Variants in MAP3K4 observed in about 807,000 individuals in gnomAD.
MAP3K4 encodes mitogen-activated protein kinase kinase kinase 4.
Under a neutral mutation model 185.6 loss-of-function variants are expected in MAP3K4, and 67 were observed. That is an observed-to-expected ratio of 0.36 (90% CI 0.30 to 0.44). MAP3K4 has a LOEUF of 0.44. Ranked by LOEUF, MAP3K4 falls within the 20% of genes least tolerant of loss-of-function variation. MAP3K4 has a pLI of 1.00. For synonymous variants in MAP3K4, 702 were observed against 710.4 expected (o/e 0.99, Z 0.19); for missense variants, 1,551 against 1,995.1 (o/e 0.78, Z 4.24).
chr6:161,070,915 T>G lies in MAP3K4; in HGVS notation c.1950+65T>G. The G allele has an allele frequency of 7.1e-7, 1 of 1,402,282 alleles. No homozygotes were observed. The highest frequency in any genetic ancestry group is 9.4e-7 in the Non-Finnish European group (1 of 1,060,538). 86.9% of individuals were successfully genotyped at this position (1,402,282 alleles called of 1,614,324 possible). The stretch of plus-strand genomic sequence containing the variant: ...ATATTATCCTACAGGCTTATCATTT[T>G]TATTTTGAGAGTTCCTTTTTTTTTC... On this transcript the variant is annotated intron_variant, in intron 4 of 26. Transcript: ENST00000392142. The surrounding 1 kb of genome is among the most constrained non-coding windows in gnomAD (Gnocchi z 4.5).
chr6:161,056,024 G>C lies in MAP3K4; in HGVS notation c.1707+6045G>C, dbSNP rs967914158. ...CAGTATGGACTCATAAATGTTTGCT[G>C]TTGTTTTTACTTTGAATTATAATCC... On this transcript the variant is annotated intron_variant, in intron 3 of 26. Transcript: ENST00000392142. This position sits in a 1 kb window ranked among gnomAD's most constrained non-coding sequence, Gnocchi z 5.4. Among the ~76,000 whole-genome samples the C allele has an allele frequency of 6.6e-6, 1 of 152,160 alleles. No homozygotes were observed. The highest frequency in any genetic ancestry group is 1.5e-5 in the Non-Finnish European group (1 of 68,026).
chr6:161,019,334 T>C (rs77036304), intron 1 of MAP3K4, among the ~76,000 whole-genome samples: 7,133 of 152,326 alleles, frequency 0.047, 547 homozygotes, highest in African/African-American at 0.16. Flanking sequence ...CTTCTACTTT[T>C]ACATCTCTGG....
chr6:161,095,030 T>A (rs1046417473), intron 15 of MAP3K4, among the ~76,000 whole-genome samples: 19 of 152,320 alleles, frequency 1.2e-4, no homozygotes, highest in Admixed American at 9.2e-4. Flanking sequence ...AGAAAAAGAT[T>A]ACAAAAGACA....
rs1487612281 is a variant in MAP3K4, at chr6:161,076,531, A to G, written c.2097+2919A>G. Among the ~76,000 whole-genome samples the G allele has an allele frequency of 6.6e-6, 1 of 152,242 alleles. No homozygotes were observed. Among genetic ancestry groups the G allele is most frequent in the East Asian group, 1.9e-4 (1 of 5,198 alleles). On this transcript the variant is annotated intron_variant, in intron 5 of 26. Transcript: ENST00000392142. The surrounding 1 kb of genome is among the most constrained non-coding windows in gnomAD (Gnocchi z 4.2). ...ATTTGGAACATCAAATCTAAATCAA[A>G]GCTGTGAATTGTTATCTCATTTCCT...
chr6:161,077,542 C>T lies in MAP3K4; in HGVS notation c.2098-3339C>T, dbSNP rs1785238242. On this transcript the variant is annotated intron_variant, in intron 5 of 26. Coordinates refer to ENST00000392142, the MANE Select transcript of MAP3K4 (RefSeq NM_005922.4). The surrounding 1 kb of genome is among the most constrained non-coding windows in gnomAD (Gnocchi z 4.3). Reference sequence around the variant, plus strand: ...CGCAGGCAGCCTGTGGGGGCTCCAGCTGCAGGTGGAGAGTAGGCTGGGGGT... The same window carrying T: ...CGCAGGCAGCCTGTGGGGGCTCCAGTTGCAGGTGGAGAGTAGGCTGGGGGT... 2.0e-5 allele frequency among the ~76,000 whole-genome samples: 3 copies of T among 152,174 alleles called. No individual in the cohort carries two copies. The highest frequency in any genetic ancestry group is 7.2e-5 in the African/African-American group (3 of 41,450).
At position 161,067,804 on chromosome 6, in the gene MAP3K4, T is replaced by C. The variant is rs1309278044; in HGVS notation, c.1708-2804T>C. Among the ~76,000 whole-genome samples the C allele has an allele frequency of 6.6e-6, 1 of 152,252 alleles. No homozygotes were observed. The highest frequency in any genetic ancestry group is 1.9e-4 in the East Asian group (1 of 5,196). On this transcript the variant is annotated intron_variant, in intron 3 of 26. Coordinates refer to ENST00000392142, the MANE Select transcript of MAP3K4 (RefSeq NM_005922.4). The surrounding 1 kb of genome is among the most constrained non-coding windows in gnomAD (Gnocchi z 6.3). ...ATACTAAGAAGAAGGCATATCCTCG[T>C]TTCTGTCATTAAGTGTATCTCAGTT...
rs2114806647 is a variant in MAP3K4 at position 161,067,374 on chromosome 6, G to A, written c.1708-3234G>A. On this transcript the variant is annotated intron_variant, in intron 3 of 26. Coordinates refer to ENST00000392142, the MANE Select transcript of MAP3K4 (RefSeq NM_005922.4). The surrounding 1 kb of genome is among the most constrained non-coding windows in gnomAD (Gnocchi z 6.3). ...ATGCATCGATCTCAGTGAGCAGAGGGAACAGGATGGGAGGCAGGTTTACCC... is the reference window on the plus strand; with the variant it reads ...ATGCATCGATCTCAGTGAGCAGAGGAAACAGGATGGGAGGCAGGTTTACCC... The A allele has an allele frequency of 3.5e-6, 1 of 288,462 alleles. No homozygotes were observed. Among genetic ancestry groups the A allele is most frequent in the Non-Finnish European group, 7.3e-6 (1 of 137,276 alleles). The allele number at this position is 288,462 out of a possible 1,614,324, so 17.9% of individuals were successfully genotyped here.
At chr6:161,079,650 G>A (rs960110583) in intron 5 of MAP3K4, among the ~76,000 whole-genome samples, 2 of 152,190 alleles carry the variant, frequency 1.3e-5, no homozygotes, top group African/African-American at 2.4e-5. Context: ...TCCTCAGGAA[G>A]GAAAAACACG....
intron 6 of MAP3K4, among the ~76,000 whole-genome samples, chr6:161,081,379 T>C (rs965393423): frequency 6.6e-6 from 1 of 152,074 alleles, no homozygotes; most frequent in African/African-American, 2.4e-5. Flanking sequence ...AGCTTTGAAC[T>C]TGAGAACTTC....
rs188076626 is a variant in MAP3K4, at chr6:161,084,879, G to T, written c.2372+262G>T. 1.4e-4 allele frequency among the ~76,000 whole-genome samples: 21 copies of T among 152,326 alleles called. No homozygotes were observed. In the East Asian group the frequency reaches 3.5e-3, roughly 25 times the overall value. ...TAGTGCCAACTGGCTGGGCGCGGTGGCTCACGCCTGTAATCCCAGTACTTT... is the reference window on the plus strand; with the variant it reads ...TAGTGCCAACTGGCTGGGCGCGGTGTCTCACGCCTGTAATCCCAGTACTTT... On this transcript the variant is annotated intron_variant, in intron 7 of 26. Coordinates refer to ENST00000392142, the MANE Select transcript of MAP3K4 (RefSeq NM_005922.4). This position sits in a 1 kb window ranked among gnomAD's most constrained non-coding sequence, Gnocchi z 4.6.
chr6:161,011,237 C>G (rs994150561), intron 1 of MAP3K4, among the ~76,000 whole-genome samples: 2 of 152,086 alleles, frequency 1.3e-5, no homozygotes, highest in Admixed American at 6.5e-5. Flanking sequence ...AGAGTAAACC[C>G]AAATAACTCC....
At chr6:161,094,242 G>T (rs1045062717) in intron 15 of MAP3K4, among the ~76,000 whole-genome samples, 1 of 152,156 alleles carries the variant, frequency 6.6e-6, no homozygotes, top group Non-Finnish European at 1.5e-5. Flanking sequence ...CCTGTCCCCC[G>T]TTCCTCACCT....
At position 161,093,003 on chromosome 6, in the gene MAP3K4, C is replaced by T. The variant is rs150658515; in HGVS notation, c.3295C>T (p.Leu1099=). Residue 1099 remains leucine, a synonymous_variant, in exon 14 of 27, where the codon CTA becomes TTA. Coordinates refer to ENST00000392142, the MANE Select transcript of MAP3K4 (RefSeq NM_005922.4). The surrounding 1 kb of genome is among the most constrained non-coding windows in gnomAD (Gnocchi z 5.2). The part of the protein sequence containing the change: ...PRWATQGFDF[L]QAIEPAFISA... ...GTGGGCGACTCAAGGATTTGATTTT[C>T]TACAAGCAATTGAACCTGCCTTTAT... 1,048 of 1,613,530 alleles carry T rather than the reference C, an allele frequency of 6.5e-4. No individual in the cohort carries two copies. Among genetic ancestry groups the T allele is most frequent in the Non-Finnish European group, 8.4e-4 (986 of 1,179,612 alleles).
In MAP3K4 at chr6:161,075,521, AATT is replaced by A. The variant is rs1393264530; in HGVS notation, c.2097+1916_2097+1918del. 6.6e-6 allele frequency among the ~76,000 whole-genome samples: 1 copy of A among 152,186 alleles called. No individual in the cohort carries two copies. The highest frequency in any genetic ancestry group is 1.5e-5 in the Non-Finnish European group (1 of 68,028). The stretch of plus-strand genomic sequence containing the variant: ...AAGTTGTGGAAAAAAGCAACAAGCA[AATT>A]ATTATTTTTCTCTCTTTATGGGTAA... On this transcript the variant is annotated intron_variant, in intron 5 of 26. Coordinates refer to ENST00000392142, the MANE Select transcript of MAP3K4 (RefSeq NM_005922.4). The surrounding 1 kb of genome is among the most constrained non-coding windows in gnomAD (Gnocchi z 4.3).
chr6:161,073,979 A>G lies in MAP3K4; in HGVS notation c.2097+367A>G, dbSNP rs1785060579. On this transcript the variant is annotated intron_variant, in intron 5 of 26. Coordinates refer to ENST00000392142, the MANE Select transcript of MAP3K4 (RefSeq NM_005922.4). This position sits in a 1 kb window ranked among gnomAD's most constrained non-coding sequence, Gnocchi z 4.2. ...AGAATGGCCCAGAAGTAGAATCAAA[A>G]TATGGTCCTATGTTAGTGAACCGTC... 1.3e-5 allele frequency among the ~76,000 whole-genome samples: 2 copies of G among 152,222 alleles called. No homozygotes were observed. The highest frequency in any genetic ancestry group is 4.8e-5 in the African/African-American group (2 of 41,454).
chr6:161,030,307 C>T (rs1408747804), intron 1 of MAP3K4, among the ~76,000 whole-genome samples: 1 of 152,068 alleles, frequency 6.6e-6, no homozygotes, highest in East Asian at 1.9e-4. Flanking sequence ...TCTGCTGTGT[C>T]TGGTCTGCTG....
In MAP3K4 at chr6:161,073,303, G is replaced by T. The variant is rs974379012; in HGVS notation, c.1951-163G>T. On this transcript the variant is annotated intron_variant, in intron 4 of 26. Transcript: ENST00000392142. This position sits in a 1 kb window ranked among gnomAD's most constrained non-coding sequence, Gnocchi z 4.2. Reference sequence around the variant, plus strand: ...TTGCTTCTCAATTGAGACTACTAAGGTATTTACATAAAATGAACTGATCAA... The same window carrying T: ...TTGCTTCTCAATTGAGACTACTAAGTTATTTACATAAAATGAACTGATCAA... The T allele has an allele frequency of 2.9e-5, 15 of 526,166 alleles. No homozygotes were observed. The highest frequency in any genetic ancestry group is 3.2e-4 in the Middle Eastern group (1 of 3,100). The allele number at this position is 526,166 out of a possible 1,614,324, so 32.6% of individuals were successfully genotyped here. A position where few individuals can be genotyped will look rare whatever the true frequency, so the allele number is the denominator to read the frequency against.
intron 25 of MAP3K4, among the ~76,000 whole-genome samples, chr6:161,113,611 G>T (rs1191417691): frequency 1.3e-5 from 2 of 152,096 alleles, no homozygotes; most frequent in Non-Finnish European, 2.9e-5. Context: ...GGAAACTGTG[G>T]GACAGGGAGG....
chr6:161,084,132 A>G lies in MAP3K4; in HGVS notation c.2256-369A>G, dbSNP rs1302024996. 6.6e-6 allele frequency among the ~76,000 whole-genome samples: 1 copy of G among 152,228 alleles called. No homozygotes were observed. Among genetic ancestry groups the G allele is most frequent in the Non-Finnish European group, 1.5e-5 (1 of 68,034 alleles). Reference sequence around the variant, plus strand: ...GCTAATTGTGGGGGAAATTTGTAAAAACAGTTGAATTTAAGGAATTCCCTT... The same window carrying G: ...GCTAATTGTGGGGGAAATTTGTAAAGACAGTTGAATTTAAGGAATTCCCTT... On this transcript the variant is annotated intron_variant, in intron 6 of 26. Coordinates refer to ENST00000392142, the MANE Select transcript of MAP3K4 (RefSeq NM_005922.4). The surrounding 1 kb of genome is among the most constrained non-coding windows in gnomAD (Gnocchi z 4.6).
Sources: allele counts gnomAD v4.1 joint callset (sites outside exome capture counted in the v4.1 genomes callset), GRCh38; gene constraint gnomAD v4.1.1; non-coding constraint Gnocchi (gnomAD v3.1); transcripts MANE v1.5; gene names NCBI Gene and HGNC (gene_info 2026-07-23, HGNC 2026-07-21).